FLRT2: variants seen among roughly 807,000 people sequenced by gnomAD.
FLRT2 encodes the protein leucine-rich repeat transmembrane protein FLRT2.
FLRT2 carries 15 observed loss-of-function variants against 40.0 expected under a neutral mutation model. That is an observed-to-expected ratio of 0.38 (90% confidence interval 0.25 to 0.58). The LOEUF (loss-of-function observed/expected upper bound fraction) is 0.58, where lower values mean the gene tolerates loss of function less well. Ranked by LOEUF, FLRT2 falls within the 20% of genes least tolerant of loss-of-function variation. The pLI, the probability that FLRT2 is intolerant of heterozygous loss-of-function variation, is 0.71. For synonymous variants in FLRT2, 380 were observed against 336.8 expected (o/e 1.13, Z -1.41); for missense variants, 726 against 840.0 (o/e 0.86, Z 1.68).
Position 85,622,905 on chromosome 14 carries a change from G to T in FLRT2, c.1391G>T (p.Gly464Val). The change falls in exon 2 of 2, where the codon GGC (glycine) becomes GTC (valine). Residue 464 changes from glycine (G) to valine (V), a missense_variant. Physicochemically the swap from Gly to Val is moderately radical, Grantham distance 109. Coordinates refer to ENST00000330753, the MANE Select transcript of FLRT2 (RefSeq NM_013231.6). ...AAAATGGGCCACAGTTTAGTAGGGG[G>T]CATCGTTCAGGAGCGCATAGTCAGC... Reference protein sequence around the residue: ...WVKMGHSLVGGIVQERIVSGE... With the variant: ...WVKMGHSLVGVIVQERIVSGE... 6.2e-7 allele frequency: 1 copy of T among 1,614,188 alleles called. No individual in the cohort carries two copies. The highest frequency in any genetic ancestry group is 8.5e-7 in the Non-Finnish European group (1 of 1,180,026).
At chr14:85,596,252 C>T (rs1892133656) in intron 1 of FLRT2, among the ~76,000 whole-genome samples, 1 of 152,208 alleles carries the variant, frequency 6.6e-6, no homozygotes, top group African/African-American at 2.4e-5. Context: ...TGGAGACTGA[C>T]ATAGAAACTG....
intron 1 of FLRT2, among the ~76,000 whole-genome samples, chr14:85,596,370 C>G (rs984741299): frequency 6.6e-6 from 1 of 152,214 alleles, no homozygotes; most frequent in African/African-American, 2.4e-5. Flanking sequence ...ACTGGACATA[C>G]ACTTTTCATG....
chr14:85,560,361 G>A (rs976264349), intron 1 of FLRT2, among the ~76,000 whole-genome samples: 2 of 151,978 alleles, frequency 1.3e-5, no homozygotes, highest in Non-Finnish European at 2.9e-5. Flanking sequence ...GGCGGATCAC[G>A]AGGTCAAGTT....
chr14:85,622,494 A>G lies in FLRT2; in HGVS notation c.980A>G (p.Tyr327Cys). The G allele has an allele frequency of 6.2e-7, 1 of 1,614,056 alleles. No individual in the cohort carries two copies. The highest frequency in any genetic ancestry group is 8.5e-7 in the Non-Finnish European group (1 of 1,180,014). The change falls in exon 2 of 2, where the codon TAT (tyrosine) becomes TGT (cysteine). Residue 327 changes from tyrosine to cysteine, a missense_variant. Transcript: ENST00000330753. ...SIKWVTEWLK[Y>C]IPSSLNVRGF... ...AAATGGGTCACAGAATGGCTCAAATATATCCCTTCATCTCTCAACGTGCGG... is the reference window on the plus strand; with the variant it reads ...AAATGGGTCACAGAATGGCTCAAATGTATCCCTTCATCTCTCAACGTGCGG...
intron 1 of FLRT2, among the ~76,000 whole-genome samples, chr14:85,574,281 A>G (rs916775979): frequency 6.6e-6 from 1 of 151,264 alleles, no homozygotes; most frequent in Admixed American, 6.6e-5. Flanking sequence ...AGTATATTTA[A>G]TACATAAGAA....
intron 1 of FLRT2, among the ~76,000 whole-genome samples, chr14:85,587,025 C>T (rs940898237): frequency 2.6e-5 from 4 of 152,088 alleles, no homozygotes; most frequent in African/African-American, 7.2e-5. Flanking sequence ...CTATTTTATA[C>T]ACAATTATAT....
chr14:85,583,077 C>T (rs764814951), intron 1 of FLRT2, among the ~76,000 whole-genome samples: 22 of 151,934 alleles, frequency 1.4e-4, no homozygotes, highest in Admixed American at 3.3e-4. Flanking sequence ...TGAAATTGTC[C>T]TTGTGAAGGG....
rs567825388 is a variant in FLRT2, at chr14:85,578,340, C to A, written c.-376-42799C>A. ...TGCAACAGTTTTTGTGTGACTTGTG[C>A]CAGACCAAAAAAAATCACAGGCTCA... is the stretch of plus-strand genomic sequence containing the variant. On this transcript the variant is annotated intron_variant, in intron 1 of 1. Coordinates refer to ENST00000330753, the MANE Select transcript of FLRT2 (RefSeq NM_013231.6). Among the ~76,000 whole-genome samples, 6 of 151,230 alleles carry A rather than the reference C, an allele frequency of 4.0e-5. No homozygotes were observed. In the South Asian group the frequency reaches 1.2e-3, roughly 31 times the overall value.
intron 1 of FLRT2, among the ~76,000 whole-genome samples, chr14:85,601,480 C>G (rs1472998506): frequency 6.6e-6 from 1 of 152,190 alleles, no homozygotes; most frequent in African/African-American, 2.4e-5. Flanking sequence ...AGCAGGCTGT[C>G]CTAGCAGCTG....
intron 1 of FLRT2, among the ~76,000 whole-genome samples, chr14:85,541,625 C>T (rs912400795): frequency 1.3e-5 from 2 of 152,154 alleles, no homozygotes; most frequent in Non-Finnish European, 2.9e-5. Flanking sequence ...TGTTCTGGCA[C>T]ATAGGAGAGG....
chr14:85,606,123 A>G (rs776775362), intron 1 of FLRT2, among the ~76,000 whole-genome samples: 1 of 152,182 alleles, frequency 6.6e-6, no homozygotes, highest in African/African-American at 2.4e-5. Context: ...TCTTTATATT[A>G]TATAATTACA....
At chr14:85,542,311 T>C (rs1424803897) in intron 1 of FLRT2, among the ~76,000 whole-genome samples, 3 of 152,174 alleles carry the variant, frequency 2.0e-5, no homozygotes, top group African/African-American at 7.2e-5. Flanking sequence ...ATTGCATGTA[T>C]GTATAGTATA....
At chr14:85,611,917 CGTGTGTGTGTGTGTGTGTGTGTGTGTGT>C (rs71120529) in intron 1 of FLRT2, among the ~76,000 whole-genome samples, 1 of 130,930 alleles carries the variant, frequency 7.6e-6, no homozygotes. Flanking sequence ...TGCGCGAAAG[CGTGTGTGTGTGTGTGTGTGTGTGTGTGT>C]GTGTGTGTGT....
chr14:85,631,651 T>C lies in FLRT2; in HGVS notation c.*8154T>C, dbSNP rs1257520660. On this transcript the variant is annotated 3_prime_UTR_variant, in exon 2 of 2. Transcript: ENST00000330753. ...TTTTACAAGAACAAACAAACATATA[T>C]ATTTTCCTTAAAATCTCTTGATTAC... The C allele has an allele frequency of 4.6e-5, 7 of 152,194 alleles. No individual in the cohort carries two copies. Among genetic ancestry groups the C allele is most frequent in the African/African-American group, 1.7e-4 (7 of 41,452 alleles). The allele number at this position is 152,194 out of a possible 1,614,324, so 9.4% of individuals were successfully genotyped here. A position where few individuals can be genotyped will look rare whatever the true frequency, so the allele number is the denominator to read the frequency against.
In FLRT2 at chr14:85,650,206, A is replaced by T. The variant is rs1894401602; in HGVS notation, c.*26709A>T. 2 of 151,762 alleles carry T rather than the reference A, an allele frequency of 1.3e-5. No individual in the cohort carries two copies. The highest frequency in any genetic ancestry group is 6.6e-5 in the Admixed American group (1 of 15,210). 9.4% of individuals were successfully genotyped at this position (151,762 alleles called of 1,614,324 possible). The stretch of plus-strand genomic sequence containing the variant: ...TAAATTTATACATAAACAATTTCAA[A>T]CTCTATGAATCATTCTACATTTTGC... On this transcript the variant is annotated 3_prime_UTR_variant, in exon 2 of 2. Transcript: ENST00000330753.
Position 85,629,845 on chromosome 14 carries a change from G to C in FLRT2, c.*6348G>C, listed in dbSNP as rs567039542. 6.6e-6 allele frequency: 1 copy of C among 152,096 alleles called. No individual in the cohort carries two copies. The highest frequency in any genetic ancestry group is 1.9e-4 in the East Asian group (1 of 5,188). 9.4% of individuals were successfully genotyped at this position (152,096 alleles called of 1,614,324 possible). ...AAATTCTTGTCTTTTAAAGCCCTTG[G>C]TCATCCATTCCTATTTTTTATAAAA... On this transcript the variant is annotated 3_prime_UTR_variant, in exon 2 of 2. Coordinates refer to ENST00000330753, the MANE Select transcript of FLRT2 (RefSeq NM_013231.6).
At chr14:85,603,594 G>T (rs1892476117) in intron 1 of FLRT2, among the ~76,000 whole-genome samples, 1 of 152,050 alleles carries the variant, frequency 6.6e-6, no homozygotes, top group African/African-American at 2.4e-5. Context: ...TTGAGACCAG[G>T]CACGGTGGCT....
In FLRT2 at chr14:85,627,601, A is replaced by AC. The variant is rs1893743854; in HGVS notation, c.*4104_*4105insC. ...GTACACACACACACACACACACACA[A>AC]ACAGGGGCATTTGTAAAGGTGTCCC... On this transcript the variant is annotated 3_prime_UTR_variant, in exon 2 of 2. Coordinates refer to ENST00000330753, the MANE Select transcript of FLRT2 (RefSeq NM_013231.6). 6.3e-6 allele frequency: 1 copy of AC among 157,884 alleles called. No individual in the cohort carries two copies. The highest frequency in any genetic ancestry group is 1.5e-5 in the Non-Finnish European group (1 of 64,950). 9.8% of individuals were successfully genotyped at this position (157,884 alleles called of 1,614,324 possible). A position where few individuals can be genotyped will look rare whatever the true frequency, so the allele number is the denominator to read the frequency against.
chr14:85,551,103 T>C lies in FLRT2; in HGVS notation c.-377+20569T>C, dbSNP rs918569396. 4.0e-4 allele frequency among the ~76,000 whole-genome samples: 61 copies of C among 152,238 alleles called. 1 individual carries two copies. The highest frequency in any genetic ancestry group is 3.9e-4 in the Admixed American group (6 of 15,284). ...TTAAGTGACAGAGATTTGTAAATAATGAAATCTAGTGAGAAATCTTTAATT... is the reference window on the plus strand; with the variant it reads ...TTAAGTGACAGAGATTTGTAAATAACGAAATCTAGTGAGAAATCTTTAATT... On this transcript the variant is annotated intron_variant, in intron 1 of 1. Coordinates refer to ENST00000330753, the MANE Select transcript of FLRT2 (RefSeq NM_013231.6).
Sources: gnomAD v4.1 joint callset for allele counts (sites outside exome capture counted in the v4.1 genomes callset) on GRCh38, gnomAD v4.1.1 for gene constraint, MANE v1.5 for transcripts, NCBI Gene and HGNC (gene_info 2026-07-23, HGNC 2026-07-21) for gene names.